PDZD2: variants seen among roughly 807,000 people sequenced by gnomAD.
PDZD2 encodes the protein PDZ domain-containing protein 2.
Under a neutral mutation model 220.7 loss-of-function variants are expected in PDZD2, and 90 were observed. That is an observed-to-expected ratio of 0.41 (90% CI 0.34 to 0.49). The LOEUF (loss-of-function observed/expected upper bound fraction) is 0.49, where lower values mean the gene tolerates loss of function less well. Among genes scored for constraint, PDZD2 ranks in the 20% least tolerant of loss-of-function variants. The pLI, the probability that PDZD2 is intolerant of heterozygous loss-of-function variation, is 0.28. For synonymous variants in PDZD2, 1,375 were observed against 1,450.5 expected, an observed-to-expected ratio of 0.95 and a Z score of 1.18; for missense variants, 3,174 against 3,608.5, an observed-to-expected ratio of 0.88 and a Z score of 3.08.
chr5:32,105,751 A>G (rs959810740), intron 24 of PDZD2, among the ~76,000 whole-genome samples: 1 of 152,246 alleles, frequency 6.6e-6, no homozygotes, highest in African/African-American at 2.4e-5. Flanking sequence ...AAAGCTTTCT[A>G]AAGGACAATT....
chr5:31,935,375 G>A (rs1274818494), intron 2 of PDZD2, among the ~76,000 whole-genome samples: 1 of 152,130 alleles, frequency 6.6e-6, no homozygotes, highest in African/African-American at 2.4e-5. Context: ...TTGGTTTAGG[G>A]AAGCCTATTT....
intron 1 of PDZD2, among the ~76,000 whole-genome samples, chr5:31,791,574 G>C (rs1354528489): frequency 1.1e-5 from 1 of 93,958 alleles, no homozygotes; most frequent in Admixed American, 1.6e-4. Context: ...TGGGCAACAA[G>C]AGAGAAACTC....
At chr5:31,880,648 G>T (rs1331750954) in intron 2 of PDZD2, among the ~76,000 whole-genome samples, 1 of 152,072 alleles carries the variant, frequency 6.6e-6, no homozygotes, top group Non-Finnish European at 1.5e-5. Flanking sequence ...GTTCCCTGGA[G>T]TGGTGGGTCT....
intron 17 of PDZD2, among the ~76,000 whole-genome samples, chr5:32,073,611 G>GGGCGA (rs527457876): frequency 2.0e-5 from 3 of 147,542 alleles, no homozygotes; most frequent in African/African-American, 7.4e-5. Context: ...AAAGGGCGGG[G>GGGCGA]GGGGTAGGTC....
rs1236171126 is a variant in PDZD2 at position 32,108,853 on chromosome 5, G to A, written c.*718G>A. The stretch of plus-strand genomic sequence containing the variant: ...ATTGATCATTTTCTATCTCAAAAGT[G>A]TAAGCCATAAGGCTGTTTTACAGAA... On this transcript the variant is annotated 3_prime_UTR_variant, in exon 25 of 25. Coordinates refer to ENST00000438447, the MANE Select transcript of PDZD2 (RefSeq NM_178140.4). 2 of 152,666 alleles carry A rather than the reference G, an allele frequency of 1.3e-5. No homozygotes were observed. The highest frequency in any genetic ancestry group is 4.8e-5 in the African/African-American group (2 of 41,462). 9.5% of individuals were successfully genotyped at this position (152,666 alleles called of 1,614,324 possible). A position where few individuals can be genotyped will look rare whatever the true frequency, so the allele number is the denominator to read the frequency against.
chr5:32,093,235 T>C (rs1413028023), intron 21 of PDZD2, among the ~76,000 whole-genome samples: 1 of 152,188 alleles, frequency 6.6e-6, no homozygotes, highest in Non-Finnish European at 1.5e-5. Context: ...AATGTTCAGG[T>C]GCCAGATGGG....
intron 2 of PDZD2, among the ~76,000 whole-genome samples, chr5:31,955,349 G>A (rs1423431327): frequency 6.6e-6 from 1 of 151,880 alleles, no homozygotes; most frequent in Non-Finnish European, 1.5e-5. Flanking sequence ...CTCCCAGGCT[G>A]CAGTGCAGTG....
intron 2 of PDZD2, among the ~76,000 whole-genome samples, chr5:31,837,117 CT>C (rs1479581247): frequency 6.6e-6 from 1 of 152,158 alleles, no homozygotes; most frequent in Non-Finnish European, 1.5e-5. Flanking sequence ...GAAAGGTGTA[CT>C]TGAGTTAATT....
Position 31,995,714 on chromosome 5 carries a change from C to T in PDZD2, c.1117C>T (p.His373Tyr). The T allele has an allele frequency of 6.2e-7, 1 of 1,613,446 alleles. No homozygotes were observed. Among genetic ancestry groups the T allele is most frequent in the Non-Finnish European group, 8.5e-7 (1 of 1,179,914 alleles). ...VTQVKEGGAA[H>Y]RDGRLSLGDE... The stretch of plus-strand genomic sequence containing the variant: ...TCAAGTGAAGGAAGGAGGTGCCGCT[C>T]ACAGGTGACTAGATAACTCTCCCCT... The change falls in exon 4 of 25, where the codon CAC becomes TAC. Residue 373 changes from histidine to tyrosine, a missense_variant. By Grantham distance (83) the His-to-Tyr change is moderately conservative (BLOSUM62 2). Transcript: ENST00000438447.
rs138908893 is a variant in PDZD2 at position 32,039,261 on chromosome 5, C to T, written c.1519+1919C>T. Reference sequence around the variant, plus strand: ...CCTGGGATTCCAGGCACTGCGCCCCCACTCCTGATTGGTTTTTGTATTTTT... The same window carrying T: ...CCTGGGATTCCAGGCACTGCGCCCCTACTCCTGATTGGTTTTTGTATTTTT... On this transcript the variant is annotated intron_variant, in intron 7 of 24. Coordinates refer to ENST00000438447, the MANE Select transcript of PDZD2 (RefSeq NM_178140.4). Among the ~76,000 whole-genome samples, 18 of 151,270 alleles carry T rather than the reference C, an allele frequency of 1.2e-4. No homozygotes were observed. In the South Asian group the frequency reaches 2.5e-3, roughly 21 times the overall value.
At chr5:31,702,265 G>T (rs973033435) in intron 1 of PDZD2, among the ~76,000 whole-genome samples, 1 of 152,196 alleles carries the variant, frequency 6.6e-6, no homozygotes, top group African/African-American at 2.4e-5. Flanking sequence ...TCCCATGAGG[G>T]AGGCATCATT....
At chr5:31,893,834 A>G (rs1202889495) in intron 2 of PDZD2, among the ~76,000 whole-genome samples, 1 of 152,116 alleles carries the variant, frequency 6.6e-6, no homozygotes, top group Non-Finnish European at 1.5e-5. Context: ...ATTTGTTCAC[A>G]TGAAGTTGTA....
At chr5:32,019,383 A>G (rs1303483499) in intron 6 of PDZD2, among the ~76,000 whole-genome samples, 1 of 152,146 alleles carries the variant, frequency 6.6e-6, no homozygotes, top group Non-Finnish European at 1.5e-5. Flanking sequence ...GGCTCAAGCA[A>G]TCCTCCCGTC....
chr5:31,911,489 T>C (rs1743200239), intron 2 of PDZD2, among the ~76,000 whole-genome samples: 1 of 152,218 alleles, frequency 6.6e-6, no homozygotes, highest in Non-Finnish European at 1.5e-5. Context: ...TTGGAGCACG[T>C]GGCCACTGCA....
intron 24 of PDZD2, chr5:32,107,401 A>T (rs892489070): frequency 9.6e-5 from 13 of 135,876 alleles, no homozygotes; most frequent in African/African-American, 1.4e-4. Context: ...CCAAAAATAT[A>T]AAAAAAAAAG....
Position 32,109,977 on chromosome 5 carries a change from A to AC in PDZD2, c.*1843dup, listed in dbSNP as rs1745217918. ...GAAAGGTCTTATTGATTTTACTTCT[A>AC]CTTTTCACTACAGTTACAGGTAGAA... On this transcript the variant is annotated 3_prime_UTR_variant, in exon 25 of 25. Coordinates refer to ENST00000438447, the MANE Select transcript of PDZD2 (RefSeq NM_178140.4). 1 of 152,598 alleles carries AC rather than the reference A, an allele frequency of 6.6e-6. No individual in the cohort carries two copies. The highest frequency in any genetic ancestry group is 1.5e-5 in the Non-Finnish European group (1 of 68,032). 9.5% of individuals were successfully genotyped at this position (152,598 alleles called of 1,614,324 possible).
chr5:31,847,043 GT>G (rs953272422), intron 2 of PDZD2, among the ~76,000 whole-genome samples: 3 of 152,094 alleles, frequency 2.0e-5, no homozygotes, highest in Non-Finnish European at 4.4e-5. Flanking sequence ...ATCATCTATT[GT>G]TGATATACAA....
rs745962663 is a variant in PDZD2, at chr5:32,083,362, G to A, written c.3683-3769G>A. On this transcript the variant is annotated intron_variant, in intron 19 of 24. Transcript: ENST00000438447. This position sits in a 1 kb window ranked among gnomAD's most constrained non-coding sequence, Gnocchi z 4.1. ...GGCTGTCCCTCGCACTGACCACTCT[G>A]CTGTCAGCACACCCATAGCCTACTC... The A allele has an allele frequency of 3.3e-5, 5 of 152,180 alleles. No individual in the cohort carries two copies. The highest frequency in any genetic ancestry group is 6.5e-5 in the Admixed American group (1 of 15,276). 9.4% of individuals were successfully genotyped at this position (152,180 alleles called of 1,614,324 possible).
At position 32,088,863 on chromosome 5, in the gene PDZD2, A is replaced by G; in HGVS notation, c.5415A>G (p.Ile1805Met). 2 of 1,614,134 alleles carry G rather than the reference A, an allele frequency of 1.2e-6. No homozygotes were observed. The highest frequency in any genetic ancestry group is 1.7e-6 in the Non-Finnish European group (2 of 1,180,032). Residue 1805 changes from isoleucine to methionine, a missense_variant, in exon 20 of 25, where the codon ATA becomes ATG. By Grantham distance (10) the Ile-to-Met change is conservative. Coordinates refer to ENST00000438447, the MANE Select transcript of PDZD2 (RefSeq NM_178140.4). This position sits in a 1 kb window ranked among gnomAD's most constrained non-coding sequence, Gnocchi z 4.6. ...CCATCATGGCCTGGTTTAAAGAAAT[A>G]AATAAACATAACCAAGGCACACATT... ...RRPIMAWFKE[I>M]NKHNQGTHLR...
Sources: allele counts gnomAD v4.1 joint callset (sites outside exome capture counted in the v4.1 genomes callset), GRCh38; gene constraint gnomAD v4.1.1; non-coding constraint Gnocchi (gnomAD v3.1); transcripts MANE v1.5; gene names NCBI Gene and HGNC (gene_info 2026-07-23, HGNC 2026-07-21).